Variants in RSPO2 observed in about 807,000 individuals in gnomAD.
RSPO2 encodes the protein R-spondin-2.
A neutral mutation model predicts 30.9 loss-of-function variants in RSPO2; 14 were observed. That is an observed-to-expected ratio of 0.45 (90% CI 0.30 to 0.71). RSPO2 has a LOEUF of 0.71. RSPO2 is among the 30% of genes least tolerant of loss of function. The probability of loss-of-function intolerance (pLI) is 0.08; values close to 1 mark genes in which losing one functional copy is unlikely to be tolerated. For synonymous variants in RSPO2, 107 were observed against 96.4 expected (o/e 1.11, Z -0.64); for missense variants, 264 against 301.9 (o/e 0.87, Z 0.93).
chr8:108,078,266 T>C (rs1027222508), intron 2 of RSPO2, among the ~76,000 whole-genome samples: 1 of 152,184 alleles, frequency 6.6e-6, no homozygotes, highest in Non-Finnish European at 1.5e-5. Flanking sequence ...CTCTCTGTAC[T>C]GGTAAGACCC....
chr8:108,052,477 T>C (rs1374565328), intron 2 of RSPO2, among the ~76,000 whole-genome samples: 2 of 152,344 alleles, frequency 1.3e-5, no homozygotes, highest in Non-Finnish European at 1.5e-5. Flanking sequence ...TTTAGAAGTA[T>C]TACTTTAGTA....
intron 2 of RSPO2, among the ~76,000 whole-genome samples, chr8:108,002,271 T>G (rs970666067): frequency 3.3e-5 from 5 of 152,170 alleles, no homozygotes; most frequent in African/African-American, 1.2e-4. Context: ...CTCACATGGT[T>G]CCATGTTTAT....
chr8:107,950,257 T>C lies in RSPO2; in HGVS notation c.616+7823A>G, dbSNP rs373762361. On this transcript the variant is annotated intron_variant, in intron 5 of 5. Transcript: ENST00000276659. ...ATAAACAGATACATACATATGTGAT[T>C]TTCCCCTCTAAAAGCTGCTATTAAA... 2.6e-5 allele frequency among the ~76,000 whole-genome samples: 4 copies of C among 152,344 alleles called. No homozygotes were observed. The East Asian group carries it at 7.7e-4, about 29-fold the overall frequency.
At chr8:107,937,573 C>A (rs77796376) in intron 5 of RSPO2, among the ~76,000 whole-genome samples, 1 of 149,946 alleles carries the variant, frequency 6.7e-6, no homozygotes, top group Admixed American at 6.7e-5. Context: ...GCTGCCCTTG[C>A]TCTTTTTATT....
intron 2 of RSPO2, among the ~76,000 whole-genome samples, chr8:108,026,897 G>A (rs1288164313): frequency 6.6e-6 from 1 of 152,062 alleles, no homozygotes; most frequent in East Asian, 1.9e-4. Context: ...AAGGAATCTG[G>A]ATAAATGGCA....
chr8:108,077,729 T>C (rs980799321), intron 2 of RSPO2, among the ~76,000 whole-genome samples: 3 of 152,318 alleles, frequency 2.0e-5, no homozygotes, highest in Admixed American at 2.0e-4. Flanking sequence ...TTTCTATTTA[T>C]TCTGGATGAA....
chr8:108,000,952 A>G (rs1184954585), intron 2 of RSPO2, among the ~76,000 whole-genome samples: 2 of 151,844 alleles, frequency 1.3e-5, no homozygotes, highest in Non-Finnish European at 2.9e-5. Flanking sequence ...CAGTGAGCAG[A>G]GATCTCACCA....
At chr8:107,921,901 A>G (rs2130310915) in intron 5 of RSPO2, among the ~76,000 whole-genome samples, 1 of 152,288 alleles carries the variant, frequency 6.6e-6, no homozygotes, top group East Asian at 1.9e-4. Context: ...AATAAAATTC[A>G]TTCCTTCACA....
intron 2 of RSPO2, among the ~76,000 whole-genome samples, chr8:108,007,799 C>T (rs908299940): frequency 1.3e-5 from 2 of 152,022 alleles, no homozygotes; most frequent in Admixed American, 1.3e-4. Context: ...CAGAGCTAAT[C>T]AAGCTGTGCA....
At chr8:108,047,947 C>A (rs1441232888) in intron 2 of RSPO2, among the ~76,000 whole-genome samples, 3 of 151,558 alleles carry the variant, frequency 2.0e-5, no homozygotes, top group Admixed American at 2.0e-4. Flanking sequence ...GAGATTGACA[C>A]AAATAATTTT....
chr8:107,947,387 T>C (rs921283897), intron 5 of RSPO2, among the ~76,000 whole-genome samples: 5 of 152,078 alleles, frequency 3.3e-5, no homozygotes, highest in African/African-American at 1.2e-4. Context: ...GAAACAAATA[T>C]AGTTCACTTA....
At chr8:107,910,199 C>T (rs568084768) in intron 5 of RSPO2, among the ~76,000 whole-genome samples, 1 of 152,292 alleles carries the variant, frequency 6.6e-6, no homozygotes, top group East Asian at 1.9e-4. Flanking sequence ...GTAATACCTT[C>T]CTCTTGGTCT....
At position 107,943,232 on chromosome 8, in the gene RSPO2, G is replaced by A. The variant is rs183226417; in HGVS notation, c.616+14848C>T. 1.5e-3 allele frequency among the ~76,000 whole-genome samples: 221 copies of A among 148,102 alleles called. 1 individual carries two copies. The highest frequency in any genetic ancestry group is 2.3e-3 in the Admixed American group (34 of 15,010). ...ATGCGTGCGTGCGCGCGCACACACA[G>A]ACACACACACAATAAGTGATCACAT... On this transcript the variant is annotated intron_variant, in intron 5 of 5. Transcript: ENST00000276659.
chr8:108,081,109 G>A (rs1032986081), intron 2 of RSPO2, among the ~76,000 whole-genome samples: 3 of 152,132 alleles, frequency 2.0e-5, no homozygotes, highest in Non-Finnish European at 4.4e-5. Context: ...AGAAATCGGG[G>A]GAGAGGGAGG....
At chr8:108,041,203 C>CAAAAAAAAAAAAAA (rs55937336) in intron 2 of RSPO2, among the ~76,000 whole-genome samples, 1 of 100,384 alleles carries the variant, frequency 1.0e-5, no homozygotes, top group African/African-American at 3.8e-5. Context: ...CAAAAAGTGG[C>CAAAAAAAAAAAAAA]AAAAAAAAAA....
intron 2 of RSPO2, among the ~76,000 whole-genome samples, chr8:108,029,871 T>A (rs1182707025): frequency 3.3e-5 from 5 of 152,206 alleles, no homozygotes; most frequent in Non-Finnish European, 5.9e-5. Context: ...TAATTTTGAC[T>A]CTTTTAACAT....
chr8:107,942,694 T>C (rs2130379474), intron 5 of RSPO2, among the ~76,000 whole-genome samples: 1 of 152,284 alleles, frequency 6.6e-6, no homozygotes, highest in Admixed American at 6.5e-5. Flanking sequence ...CACATTTGCT[T>C]TTTCTAGTTG....
intron 2 of RSPO2, among the ~76,000 whole-genome samples, chr8:108,050,597 C>G (rs1812052316): frequency 6.6e-6 from 1 of 151,924 alleles, no homozygotes; most frequent in Admixed American, 6.6e-5. Flanking sequence ...TTTGAAGTAA[C>G]AAAAGGAGGC....
At chr8:108,015,036 C>A (rs1810839491) in intron 2 of RSPO2, among the ~76,000 whole-genome samples, 1 of 152,054 alleles carries the variant, frequency 6.6e-6, no homozygotes, top group Non-Finnish European at 1.5e-5. Context: ...AAAAGAAATG[C>A]TTCACTTGCT....
Sources: gnomAD v4.1 joint callset for allele counts (sites outside exome capture counted in the v4.1 genomes callset) on GRCh38, gnomAD v4.1.1 for gene constraint, MANE v1.5 for transcripts, NCBI Gene and HGNC (gene_info 2026-07-23, HGNC 2026-07-21) for gene names.